The following TLE2 variants were observed in gnomAD, a reference collection of about 807,000 sequenced individuals.
TLE2 encodes the protein transducin-like enhancer protein 2.
TLE2 carries 74 observed loss-of-function variants against 97.2 expected under a neutral mutation model. The ratio of observed to expected loss-of-function variants is 0.76; its 90% CI spans 0.63 to 0.92. The LOEUF is 0.92. TLE2 is among the 40% of genes least tolerant of loss of function. The probability of loss-of-function intolerance (pLI) is 0.00; values close to 1 mark genes in which losing one functional copy is unlikely to be tolerated. For missense variants in TLE2, 1,038 were observed against 1,008.7 expected (o/e 1.03, Z -0.39); for synonymous variants, 499 against 432.1 (o/e 1.15, Z -1.92).
chr19:3,041,632 C>G (rs2090104152), intron 1 of TLE2, among the ~76,000 whole-genome samples: 1 of 152,212 alleles, frequency 6.6e-6, no homozygotes, highest in Non-Finnish European at 1.5e-5. Flanking sequence ...ACTTGGTGTT[C>G]TCTGCAATGG....
intron 5 of TLE2, among the ~76,000 whole-genome samples, chr19:3,021,880 G>C (rs894195496): frequency 6.6e-6 from 1 of 152,116 alleles, no homozygotes; most frequent in African/African-American, 2.4e-5. Flanking sequence ...ACTGCGCCCA[G>C]CCTAAATATA....
At chr19:3,013,601 G>C (rs2089640368) in intron 11 of TLE2, 68 bp downstream of exon 11, 2 of 1,290,036 alleles carry the variant, frequency 1.6e-6, no homozygotes, top group Admixed American at 3.4e-5. Flanking sequence ...CTGCATCATG[G>C]GGTAGCGTCT....
At chr19:3,027,382 T>A (rs962405505) in intron 4 of TLE2, among the ~76,000 whole-genome samples, 2 of 152,186 alleles carry the variant, frequency 1.3e-5, no homozygotes, top group Non-Finnish European at 1.5e-5. Context: ...CTGAGACCAA[T>A]CTCAGAAGCT....
rs1369891992 is a variant in TLE2 at position 3,019,400 on chromosome 19, G to C, written c.433C>G (p.Leu145Val). Reference sequence around the variant, plus strand: ...AGCCCCGTAGCACTGCCGCCCACCAGCCCGGCTGGGCGGGGGGTGAGGGGC... The same window carrying C: ...AGCCCCGTAGCACTGCCGCCCACCACCCCGGCTGGGCGGGGGGTGAGGGGC... Reference protein sequence around the residue: ...PVPLTPRPAGLVGGSATGLLA... With the variant: ...PVPLTPRPAGVVGGSATGLLA... The change falls in exon 7 of 20, where the codon CTG becomes GTG. Residue 145 changes from leucine (L) to valine (V), a missense_variant. Leu to Val is a conservative substitution (Grantham distance 32). Coordinates refer to ENST00000262953, the MANE Select transcript of TLE2 (RefSeq NM_003260.5). This position sits in a 1 kb window ranked among gnomAD's most constrained non-coding sequence, Gnocchi z 5.1. The C allele has an allele frequency of 2.6e-6, 4 of 1,540,314 alleles. No individual in the cohort carries two copies. The highest frequency in any genetic ancestry group is 2.6e-6 in the Non-Finnish European group (3 of 1,148,702).
In TLE2 at chr19:3,040,312, G is replaced by T. The variant is rs112319958; in HGVS notation, c.63+5414C>A. Among the ~76,000 whole-genome samples the T allele has an allele frequency of 1.5e-4, 23 of 152,112 alleles. 1 individual carries two copies. In the East Asian group the frequency reaches 3.5e-3, roughly 23 times the overall value. On this transcript the variant is annotated intron_variant, in intron 1 of 18. Transcript: ENST00000426948. ...ATGGGGGTTGAACAAACCCCTGGCC[G>T]CATGGCCCAATCTGAATCTTCTTTT...
chr19:3,032,008 G>A (rs2090028462), upstream of TLE2, among the ~76,000 whole-genome samples: 1 of 152,082 alleles, frequency 6.6e-6, no homozygotes, highest in African/African-American at 2.4e-5. The surrounding 1 kb of genome is among the most constrained non-coding windows in gnomAD (Gnocchi z 4.1). Flanking sequence ...GCTCACTGCT[G>A]CAACCTATGC....
At chr19:3,023,085 C>G (rs1265765823) in intron 5 of TLE2, among the ~76,000 whole-genome samples, 1 of 148,632 alleles carries the variant, frequency 6.7e-6, no homozygotes, top group Non-Finnish European at 1.5e-5. Context: ...GACAGAATCT[C>G]GCTGTGTTGC....
chr19:3,012,644 C>T (rs902181032), intron 11 of TLE2, among the ~76,000 whole-genome samples: 1 of 152,212 alleles, frequency 6.6e-6, no homozygotes, highest in Admixed American at 6.5e-5. Context: ...CCTCCTTGAG[C>T]CCCCACAGAG....
At chr19:3,034,002 GCTCTGGCACCAC>G (rs2090045287), upstream of TLE2, among the ~76,000 whole-genome samples, 1 of 152,038 alleles carries the variant, frequency 6.6e-6, no homozygotes, top group Non-Finnish European at 1.5e-5. Flanking sequence ...ATGGCTGCAA[GCTCTGGCACCAC>G]CTCCGGTTCC....
chr19:3,006,657 G>T lies in TLE2; in HGVS notation c.1263C>A (p.Phe421Leu). ...GCATCTGCCCGTCCGCAGACACGTG[G>T]AAGGAGTAGGCCCTGGAGAGAAAGC... ...SIPGGKPAYS[F>L]HVSADGQMQP... The change falls in exon 15 of 20, where the codon TTC becomes TTA. Residue 421 changes from phenylalanine (F) to leucine (L), a missense_variant. By Grantham distance (22) the Phe-to-Leu change is conservative. Coordinates refer to ENST00000262953, the MANE Select transcript of TLE2 (RefSeq NM_003260.5). 6.2e-7 allele frequency: 1 copy of T among 1,601,950 alleles called. No homozygotes were observed. The highest frequency in any genetic ancestry group is 1.7e-5 in the Admixed American group (1 of 59,456).
At chr19:3,015,876 C>T in intron 8 of TLE2, 116 bp from the exon 9 acceptor site, 1 of 777,912 alleles carries the variant, frequency 1.3e-6, no homozygotes, top group Non-Finnish European at 2.2e-6. Flanking sequence ...GGACCTCAAG[C>T]TTCCCATCTG....
intron 2 of TLE2, 51 bp from the exon 3 acceptor site, chr19:3,028,433 G>A: frequency 6.5e-7 from 1 of 1,533,616 alleles, no homozygotes; most frequent in Non-Finnish European, 8.8e-7. Context: ...ATGTGGGCCG[G>A]CTTCCAAAGT....
upstream of TLE2, among the ~76,000 whole-genome samples, chr19:3,033,358 A>G (rs1048131412): frequency 1.3e-5 from 2 of 152,074 alleles, no homozygotes; most frequent in Non-Finnish European, 2.9e-5. Context: ...TAGTAAAGAC[A>G]GGGTTTCACC....
intron 1 of TLE2, among the ~76,000 whole-genome samples, chr19:3,039,059 A>AAT (rs1555695439): frequency 7.4e-6 from 1 of 135,200 alleles, no homozygotes; most frequent in South Asian, 2.3e-4. Flanking sequence ...AAAAATAAAA[A>AAT]TTAAAAAAAA....
At chr19:3,039,541 G>A (rs2090085149) in intron 1 of TLE2, among the ~76,000 whole-genome samples, 1 of 152,108 alleles carries the variant, frequency 6.6e-6, no homozygotes, top group South Asian at 2.1e-4. Flanking sequence ...AGGCCAGCCT[G>A]GCTAGAGTAG....
At chr19:3,021,919 T>C (rs2089852273) in intron 5 of TLE2, among the ~76,000 whole-genome samples, 1 of 152,076 alleles carries the variant, frequency 6.6e-6, no homozygotes, top group African/African-American at 2.4e-5. Flanking sequence ...ACTTAATAGA[T>C]TTCAGGTCGG....
chr19:3,046,913 CTCCTCCTCCCCCTCCTCTG>C (rs2090145483), upstream of TLE2, among the ~76,000 whole-genome samples: 4 of 131,322 alleles, frequency 3.0e-5, 1 homozygote, highest in South Asian at 8.3e-4. Context: ...CCTCCTCCCT[CTCCTCCTCCCCCTCCTCTG>C]CCTCCCCCTC....
chr19:3,010,369 A>ATG (rs2089569960), intron 12 of TLE2, among the ~76,000 whole-genome samples: 1 of 150,572 alleles, frequency 6.6e-6, no homozygotes, highest in Non-Finnish European at 1.5e-5. Context: ...CGTCTCAAAA[A>ATG]AAAAGGAAAA....
intron 4 of TLE2, 44 bp downstream of exon 4, chr19:3,027,785 C>A: frequency 6.3e-7 from 1 of 1,588,740 alleles, no homozygotes; most frequent in East Asian, 2.3e-5. Flanking sequence ...GGCTTCCAGA[C>A]CCCCACCCTC....
Sources: allele counts gnomAD v4.1 joint callset (sites outside exome capture counted in the v4.1 genomes callset), GRCh38; gene constraint gnomAD v4.1.1; non-coding constraint Gnocchi (gnomAD v3.1); transcripts MANE v1.5; gene names NCBI Gene and HGNC (gene_info 2026-07-23, HGNC 2026-07-21).